ADAMTS3: variants seen among roughly 807,000 people sequenced by gnomAD.
The protein encoded by ADAMTS3 is ADAM metallopeptidase with thrombospondin type 1 motif 3.
In ADAMTS3, 73 loss-of-function variants were observed where a neutral mutation model predicts 129.0. The observed-to-expected ratio is 0.57, with a 90% confidence interval of 0.47 to 0.69. ADAMTS3 has a LOEUF of 0.69. Ranked by LOEUF, ADAMTS3 falls within the 30% of genes least tolerant of loss-of-function variation. The pLI, the probability that ADAMTS3 is intolerant of heterozygous loss-of-function variation, is 0.00. For missense variants in ADAMTS3, 1,457 were observed against 1,514.5 expected (o/e 0.96, Z 0.63); for synonymous variants, 477 against 510.8 (o/e 0.93, Z 0.89).
intron 3 of ADAMTS3, among the ~76,000 whole-genome samples, chr4:72,516,583 A>C (rs1256403386): frequency 6.6e-6 from 1 of 152,008 alleles, no homozygotes; most frequent in South Asian, 2.1e-4. Context: ...TAAGTATTTT[A>C]TTCTCTTTGA....
intron 3 of ADAMTS3, among the ~76,000 whole-genome samples, chr4:72,457,419 T>C (rs1182729994): frequency 1.3e-5 from 2 of 151,714 alleles, no homozygotes; most frequent in Non-Finnish European, 3.0e-5. Context: ...GAATGAGAAC[T>C]ACCTCAAATT....
At chr4:72,497,612 T>G (rs1719902480) in intron 3 of ADAMTS3, among the ~76,000 whole-genome samples, 1 of 151,694 alleles carries the variant, frequency 6.6e-6, no homozygotes, top group South Asian at 2.1e-4. Flanking sequence ...AAGGAAAGTA[T>G]ATTTTTATAC....
At chr4:72,304,536 T>C (rs762642661) in intron 16 of ADAMTS3, among the ~76,000 whole-genome samples, 12 of 152,088 alleles carry the variant, frequency 7.9e-5, no homozygotes, top group Non-Finnish European at 1.5e-4. Flanking sequence ...TTTATAGTCA[T>C]CCAACATAGT....
chr4:72,320,981 T>C (rs1048714173), intron 6 of ADAMTS3, 111 bp from the exon 7 acceptor site: 1 of 1,141,744 alleles, frequency 8.8e-7, no homozygotes, highest in African/African-American at 1.6e-5. Flanking sequence ...AATGATTCAA[T>C]AATATTTGGG....
At chr4:72,425,961 G>T (rs537250526) in intron 3 of ADAMTS3, among the ~76,000 whole-genome samples, 1 of 152,170 alleles carries the variant, frequency 6.6e-6, no homozygotes, top group Non-Finnish European at 1.5e-5. Context: ...CAGTGTAAAA[G>T]TGTTCCTATT....
chr4:72,559,794 T>C (rs995598986), intron 2 of ADAMTS3, among the ~76,000 whole-genome samples: 1 of 151,878 alleles, frequency 6.6e-6, no homozygotes, highest in Non-Finnish European at 1.5e-5. Flanking sequence ...TTCAATGCTA[T>C]TCCCATTAAA....
intron 5 of ADAMTS3, among the ~76,000 whole-genome samples, chr4:72,329,499 GAC>G (rs1161094760): frequency 3.9e-5 from 6 of 152,144 alleles, no homozygotes; most frequent in Admixed American, 2.6e-4. Flanking sequence ...ACCAAGAGAG[GAC>G]ACACAGTGTT....
chr4:72,298,354 T>C lies in ADAMTS3; in HGVS notation c.2513A>G (p.Asn838Ser). Residue 838 changes from asparagine to serine, a missense_variant, in exon 18 of 22, where the codon AAT (asparagine) becomes AGT (serine). Asn to Ser is a conservative substitution (Grantham distance 46). Coordinates refer to ENST00000286657, the MANE Select transcript of ADAMTS3 (RefSeq NM_014243.3). ...AGTATCTAATTCTTCCTGGATGACA[T>C]TGTTGCTGTTGATTGTAGGTACAGA... ...EDSVPTINSN[N>S]VIQEELDTFE... 1.2e-6 allele frequency: 2 copies of C among 1,613,224 alleles called. No homozygotes were observed. The highest frequency in any genetic ancestry group is 8.5e-7 in the Non-Finnish European group (1 of 1,179,386).
At chr4:72,412,236 C>T (rs1397785602) in intron 4 of ADAMTS3, among the ~76,000 whole-genome samples, 1 of 151,976 alleles carries the variant, frequency 6.6e-6, no homozygotes, top group African/African-American at 2.4e-5. Flanking sequence ...TTTTATTCCT[C>T]TTCCTAAATA....
Position 72,382,783 on chromosome 4 carries a change from A to C in ADAMTS3, c.661+32032T>G, listed in dbSNP as rs79561489. On this transcript the variant is annotated intron_variant, in intron 4 of 21. Transcript: ENST00000286657. The stretch of plus-strand genomic sequence containing the variant: ...CTAAGTAAAACAACTCAGAAACAGA[A>C]AATCAAATACCACCTGTTCTCACTT... Among the ~76,000 whole-genome samples the C allele has an allele frequency of 2.7e-3, 414 of 152,282 alleles. 5 individuals carry two copies. The East Asian group carries it at 0.041, about 15-fold the overall frequency.
chr4:72,452,967 G>T (rs977460062), intron 3 of ADAMTS3, among the ~76,000 whole-genome samples: 1 of 151,714 alleles, frequency 6.6e-6, no homozygotes, highest in African/African-American at 2.4e-5. Flanking sequence ...AGGGGTAGGG[G>T]TATGAAAACT....
intron 4 of ADAMTS3, among the ~76,000 whole-genome samples, chr4:72,389,798 C>T (rs1197984853): frequency 1.3e-5 from 2 of 152,184 alleles, no homozygotes; most frequent in East Asian, 3.9e-4. Context: ...AGCCATCAAC[C>T]AGTCAATCAA....
At chr4:72,492,655 ATGTTC>A (rs1719777604) in intron 3 of ADAMTS3, among the ~76,000 whole-genome samples, 1 of 151,898 alleles carries the variant, frequency 6.6e-6, no homozygotes, top group South Asian at 2.1e-4. Flanking sequence ...AACCTAGAGA[ATGTTC>A]TGTGTGTACT....
chr4:72,479,504 A>G (rs1406661490), intron 3 of ADAMTS3, among the ~76,000 whole-genome samples: 3 of 152,250 alleles, frequency 2.0e-5, no homozygotes, highest in African/African-American at 7.2e-5. Flanking sequence ...TAGAAAGCTG[A>G]AACTGGATCC....
chr4:72,523,995 C>T (rs902292195), intron 3 of ADAMTS3, among the ~76,000 whole-genome samples: 7 of 152,028 alleles, frequency 4.6e-5, no homozygotes, highest in African/African-American at 1.4e-4. Flanking sequence ...AACTATGTAA[C>T]CTAATGTATT....
intron 3 of ADAMTS3, among the ~76,000 whole-genome samples, chr4:72,465,836 A>C (rs1403242158): frequency 6.6e-6 from 1 of 151,986 alleles, no homozygotes; most frequent in African/African-American, 2.4e-5. Context: ...CATGGTAGTG[A>C]ATAAGTCTCA....
At chr4:72,385,957 A>T (rs368165780) in intron 4 of ADAMTS3, among the ~76,000 whole-genome samples, 32 of 152,246 alleles carry the variant, frequency 2.1e-4, no homozygotes, top group Non-Finnish European at 7.4e-5. Context: ...AATTACACTC[A>T]AACTTCATTG....
At chr4:72,387,670 G>A (rs901149731) in intron 4 of ADAMTS3, among the ~76,000 whole-genome samples, 5 of 152,142 alleles carry the variant, frequency 3.3e-5, no homozygotes, top group Admixed American at 6.6e-5. Flanking sequence ...GGCATCTAAA[G>A]TTTTGGGGTG....
intron 4 of ADAMTS3, among the ~76,000 whole-genome samples, chr4:72,409,548 T>G (rs930133384): frequency 7.2e-6 from 1 of 138,764 alleles, no homozygotes; most frequent in East Asian, 3.1e-4. Flanking sequence ...TCTTTTCATC[T>G]TCAATTCTTT....
Sources: allele counts gnomAD v4.1 joint callset (sites outside exome capture counted in the v4.1 genomes callset), GRCh38; gene constraint gnomAD v4.1.1; transcripts MANE v1.5; gene names NCBI Gene and HGNC (gene_info 2026-07-23, HGNC 2026-07-21).